PSD3: variants seen among roughly 807,000 people sequenced by gnomAD.
The protein encoded by PSD3 is PH and SEC7 domain-containing protein 3.
A neutral mutation model predicts 105.5 loss-of-function variants in PSD3; 49 were observed. The ratio of observed to expected loss-of-function variants is 0.46; its 90% CI spans 0.37 to 0.59. PSD3 has a LOEUF of 0.59. Among genes scored for constraint, PSD3 ranks in the 20% least tolerant of loss-of-function variants. The probability of loss-of-function intolerance (pLI) is 0.00; values close to 1 mark genes in which losing one functional copy is unlikely to be tolerated. For missense variants in PSD3, 1,561 were observed against 1,263.8 expected (o/e 1.24, Z -3.57); for synonymous variants, 557 against 457.8 (o/e 1.22, Z -2.77).
chr8:18,611,190 G>C (rs1237356130), intron 11 of PSD3, among the ~76,000 whole-genome samples: 1 of 149,724 alleles, frequency 6.7e-6, no homozygotes, highest in East Asian at 2.0e-4. Context: ...TTCTGCTTAT[G>C]AATAGGATTT....
At chr8:18,902,090 A>C (rs1819542567) in intron 2 of PSD3, among the ~76,000 whole-genome samples, 1 of 152,198 alleles carries the variant, frequency 6.6e-6, no homozygotes. Context: ...AGATGTCCAT[A>C]TCTCTCCCCA....
At chr8:18,888,379 C>T (rs1053307579) in intron 2 of PSD3, among the ~76,000 whole-genome samples, 1 of 152,108 alleles carries the variant, frequency 6.6e-6, no homozygotes, top group East Asian at 1.9e-4. Context: ...AGTATAACCA[C>T]GTGGTTAAAG....
intron 1 of PSD3, among the ~76,000 whole-genome samples, chr8:18,986,046 C>T (rs935987646): frequency 6.6e-6 from 1 of 152,020 alleles, no homozygotes; most frequent in African/African-American, 2.4e-5. Flanking sequence ...AGCAGTAGAA[C>T]CTTAAAATAC....
rs201849772 is a variant in PSD3, at chr8:18,804,514, A to G, written c.1910+8T>C. 1 of 1,590,834 alleles carries G rather than the reference A, an allele frequency of 6.3e-7. No individual in the cohort carries two copies. Among genetic ancestry groups the G allele is most frequent in the Admixed American group, 1.7e-5 (1 of 59,894 alleles). The stretch of plus-strand genomic sequence containing the variant: ...GCAATGACGAGCAGCAAGGAGGCTT[A>G]GTCATACCTGAGTGACTGATCCAGC... On this transcript the variant is annotated splice_region_variant and intron_variant, in intron 6 of 15. Transcript: ENST00000327040.
intron 12 of PSD3, among the ~76,000 whole-genome samples, chr8:18,592,506 G>T (rs76941926): frequency 1.3e-5 from 2 of 152,114 alleles, no homozygotes; most frequent in Non-Finnish European, 2.9e-5. Context: ...GATTCGAGAA[G>T]CCTAATGACA....
intron 14 of PSD3, among the ~76,000 whole-genome samples, chr8:18,571,527 C>A (rs947645905): frequency 3.9e-5 from 6 of 152,198 alleles, no homozygotes; most frequent in African/African-American, 1.4e-4. Flanking sequence ...CCTTCCTGTA[C>A]TTCTATCAAA....
chr8:18,971,215 T>G (rs1824630166), intron 1 of PSD3, among the ~76,000 whole-genome samples: 1 of 152,094 alleles, frequency 6.6e-6, no homozygotes, highest in Non-Finnish European at 1.5e-5. Flanking sequence ...AGGTGTGTGT[T>G]TACTGGCAAG....
intron 4 of PSD3, among the ~76,000 whole-genome samples, chr8:18,827,686 G>A (rs1217195857): frequency 1.3e-5 from 2 of 152,064 alleles, no homozygotes; most frequent in Non-Finnish European, 2.9e-5. Context: ...TGCAAGGGTC[G>A]AGGTGACAGA....
chr8:18,833,189 G>A (rs1298057273), intron 4 of PSD3, among the ~76,000 whole-genome samples: 1 of 152,244 alleles, frequency 6.6e-6, no homozygotes. Flanking sequence ...AGGACCAGGA[G>A]CAGGAAAGCC....
chr8:18,867,794 A>G lies in PSD3; in HGVS notation c.1514T>C (p.Leu505Pro). 1 of 1,614,170 alleles carries G rather than the reference A, an allele frequency of 6.2e-7. No homozygotes were observed. Among genetic ancestry groups the G allele is most frequent in the Non-Finnish European group, 8.5e-7 (1 of 1,180,022 alleles). ...RTSGGGHQDI[L>P]SVSADGGIVM... ...GATGCCACCATCTGCAGACACACTC[A>G]GGATATCCTGATGTCCTCCCCCTGA... is the stretch of plus-strand genomic sequence containing the variant. Residue 505 changes from leucine (L) to proline (P), a missense_variant, in exon 4 of 16, where the codon CTG becomes CCG. Transcript: ENST00000327040.
intron 12 of PSD3, among the ~76,000 whole-genome samples, chr8:18,587,907 G>A (rs1283372605): frequency 6.6e-6 from 1 of 152,116 alleles, no homozygotes; most frequent in African/African-American, 2.4e-5. Context: ...TTTACTTTTT[G>A]TGTAGCATCT....
chr8:18,931,281 A>G (rs967615703), intron 2 of PSD3, among the ~76,000 whole-genome samples: 2 of 152,172 alleles, frequency 1.3e-5, no homozygotes, highest in Non-Finnish European at 2.9e-5. Context: ...AAAGAACCAC[A>G]TTATACTGCA....
chr8:18,777,798 C>T (rs1280892049), intron 8 of PSD3, among the ~76,000 whole-genome samples: 1 of 151,994 alleles, frequency 6.6e-6, no homozygotes, highest in Non-Finnish European at 1.5e-5. Flanking sequence ...CCCTTTAATC[C>T]CACCACCACC....
chr8:18,973,748 T>A (rs544918214), intron 1 of PSD3, among the ~76,000 whole-genome samples: 1 of 152,230 alleles, frequency 6.6e-6, no homozygotes, highest in African/African-American at 2.4e-5. Flanking sequence ...GAATTAGACA[T>A]GAAGTGGGAG....
chr8:18,641,590 C>A (rs142703916), intron 10 of PSD3, among the ~76,000 whole-genome samples: 6 of 152,074 alleles, frequency 3.9e-5, no homozygotes, highest in African/African-American at 1.4e-4. Context: ...TGATAAACTA[C>A]GGTGGTTGTT....
At chr8:18,590,753 ATAC>A (rs373765458) in intron 12 of PSD3, among the ~76,000 whole-genome samples, 19 of 152,328 alleles carry the variant, frequency 1.2e-4, no homozygotes, top group African/African-American at 4.6e-4. Flanking sequence ...TTAACAAAAA[ATAC>A]TACATGCATT....
At chr8:18,762,450 A>G (rs760311446) in intron 9 of PSD3, among the ~76,000 whole-genome samples, 1 of 152,202 alleles carries the variant, frequency 6.6e-6, no homozygotes, top group Non-Finnish European at 1.5e-5. Flanking sequence ...AGTATCAGGT[A>G]TTTGTTTGCA....
At chr8:18,846,244 A>C (rs1815081050) in intron 4 of PSD3, among the ~76,000 whole-genome samples, 1 of 152,194 alleles carries the variant, frequency 6.6e-6, no homozygotes, top group Admixed American at 6.5e-5. Context: ...AAAGGTAAAT[A>C]TTTCTCTAGA....
chr8:18,674,483 T>C (rs1177601401), intron 9 of PSD3, among the ~76,000 whole-genome samples: 1 of 152,222 alleles, frequency 6.6e-6, no homozygotes, highest in African/African-American at 2.4e-5. Flanking sequence ...AATCCTACTG[T>C]CATTTTAGTG....
Sources: gnomAD v4.1 joint callset for allele counts (sites outside exome capture counted in the v4.1 genomes callset) on GRCh38, gnomAD v4.1.1 for gene constraint, MANE v1.5 for transcripts, NCBI Gene and HGNC (gene_info 2026-07-23, HGNC 2026-07-21) for gene names.